The following DPP9 variants were observed in gnomAD, a reference collection of about 807,000 sequenced individuals.
The protein encoded by DPP9 is dipeptidyl peptidase 9, also known as dipeptidyl peptidase IV-related protein-2.
DPP9 carries 50 observed loss-of-function variants against 110.7 expected under a neutral mutation model. The observed-to-expected ratio is 0.45, with a 90% CI of 0.36 to 0.57. The LOEUF is 0.57. DPP9 is among the 20% of genes least tolerant of loss of function. The probability of loss-of-function intolerance (pLI) is 0.00; values close to 1 mark genes in which losing one functional copy is unlikely to be tolerated. For missense variants in DPP9, 1,022 were observed against 1,217.9 expected (o/e 0.84, Z 2.39); for synonymous variants, 561 against 514.4 (o/e 1.09, Z -1.23).
In DPP9 at chr19:4,702,629, C is replaced by A; in HGVS notation, c.857G>T (p.Trp286Leu). Residue 286 changes from tryptophan to leucine, a missense_variant, in exon 8 of 22, where the codon TGG (tryptophan) becomes TTG (leucine). This residue lies in a region of DPP9 where 810 missense variants were observed against 920.6 expected (regional missense o/e 0.88). Coordinates refer to ENST00000262960, the MANE Select transcript of DPP9 (RefSeq NM_139159.5). ...TTCCCAGGAGGCTGTGGGGCACCAC[C>A]AGTACCCAGTGAAGCGGTCGAACTC... ...QEEFDRFTGY[W>L]WCPTASWEGS... 6.2e-7 allele frequency: 1 copy of A among 1,602,780 alleles called. No individual in the cohort carries two copies. The highest frequency in any genetic ancestry group is 1.1e-5 in the South Asian group (1 of 88,944).
chr19:4,685,409 C>A lies in DPP9; in HGVS notation c.2031+217G>T, dbSNP rs1194623258. 3.0e-6 allele frequency: 2 copies of A among 675,790 alleles called. No individual in the cohort carries two copies. The highest frequency in any genetic ancestry group is 2.8e-5 in the East Asian group (1 of 35,358). 41.9% of individuals were successfully genotyped at this position (675,790 alleles called of 1,614,324 possible). ...GGCGGAGGGGGAAGGGGAGGCCATC[C>A]AGGAAGGGCGGGGAGCGTGCAAACG... On this transcript the variant is annotated intron_variant, in intron 17 of 21. Coordinates refer to ENST00000262960, the MANE Select transcript of DPP9 (RefSeq NM_139159.5). This position sits in a 1 kb window ranked among gnomAD's most constrained non-coding sequence, Gnocchi z 5.8.
rs2091588600 is a variant in DPP9, at chr19:4,694,262, CT to C, written c.1516+398del. 3.0e-6 allele frequency: 1 copy of C among 333,470 alleles called. No homozygotes were observed. The highest frequency in any genetic ancestry group is 2.1e-5 in the African/African-American group (1 of 47,342). 20.7% of individuals were successfully genotyped at this position (333,470 alleles called of 1,614,324 possible). On this transcript the variant is annotated intron_variant, in intron 13 of 21. Transcript: ENST00000262960. This position sits in a 1 kb window ranked among gnomAD's most constrained non-coding sequence, Gnocchi z 4.0. ...TCTTGGCCTTGCACAACAGTTTCTG[CT>C]GGGACTACCCAGTTCTGCTGCTGCA...
At chr19:4,705,370 G>A (rs926026145) in intron 5 of DPP9, among the ~76,000 whole-genome samples, 8 of 152,132 alleles carry the variant, frequency 5.3e-5, no homozygotes, top group Admixed American at 2.0e-4. Context: ...ACTACAAGGC[G>A]AGTGCCACCA....
chr19:4,718,802 G>A lies in DPP9; in HGVS notation c.56+1049C>T, dbSNP rs770217388. 2.0e-5 allele frequency among the ~76,000 whole-genome samples: 3 copies of A among 152,140 alleles called. No homozygotes were observed. Among genetic ancestry groups the A allele is most frequent in the Non-Finnish European group, 2.9e-5 (2 of 68,024 alleles). On this transcript the variant is annotated intron_variant, in intron 3 of 21. Transcript: ENST00000262960. The surrounding 1 kb of genome is among the most constrained non-coding windows in gnomAD (Gnocchi z 4.3). ...CCTTCACACCGTCCCCGTCTTCCCC[G>A]GTCCATTCTTCAATTCCCTTCCCAG...
At chr19:4,721,233 C>A (rs932683989) in intron 2 of DPP9, among the ~76,000 whole-genome samples, 1 of 152,236 alleles carries the variant, frequency 6.6e-6, no homozygotes, top group Admixed American at 6.5e-5. Context: ...AGCTGAGAAA[C>A]CCTGCTGTGG....
At position 4,710,146 on chromosome 19, in the gene DPP9, G is replaced by A. The variant is rs1343881593; in HGVS notation, c.313+3935C>T. 1.3e-5 allele frequency among the ~76,000 whole-genome samples: 2 copies of A among 152,162 alleles called. No homozygotes were observed. The highest frequency in any genetic ancestry group is 1.3e-4 in the Admixed American group (2 of 15,274). ...CTGCAAACACACCTGATGCCAACCT[G>A]TCACCCACCCATGCCCCGGTGACCC... On this transcript the variant is annotated intron_variant, in intron 4 of 21. Coordinates refer to ENST00000262960, the MANE Select transcript of DPP9 (RefSeq NM_139159.5). The surrounding 1 kb of genome is among the most constrained non-coding windows in gnomAD (Gnocchi z 5.6).
chr19:4,709,136 T>G (rs1467211698), intron 4 of DPP9, among the ~76,000 whole-genome samples: 1 of 152,068 alleles, frequency 6.6e-6, no homozygotes, highest in African/African-American at 2.4e-5. Flanking sequence ...GCCAGACTGG[T>G]CTTGAAATTC....
Position 4,714,337 on chromosome 19 carries a change from G to A in DPP9, c.57C>T (p.Ser19=), listed in dbSNP as rs371801514. 379 of 1,492,732 alleles carry A rather than the reference G, an allele frequency of 2.5e-4. 1 individual carries two copies. In the African/African-American group the frequency reaches 4.4e-3, roughly 18 times the overall value. 92.5% of individuals were successfully genotyped at this position (1,492,732 alleles called of 1,614,324 possible). Residue 19 remains serine, a splice_region_variant and synonymous_variant, in exon 4 of 22, where the codon AGC becomes AGT. Transcript: ENST00000262960. ...CAGCCCCCTCGGAATTCAGCGAGAA[G>A]CTGCGGGGAGGAAGCAAAGACTATG... ...LDKENTGSWR[S]FSLNSEGAER...
chr19:4,685,555 C>T lies in DPP9; in HGVS notation c.2031+71G>A. 3 of 1,470,222 alleles carry T rather than the reference C, an allele frequency of 2.0e-6. No individual in the cohort carries two copies. The highest frequency in any genetic ancestry group is 9.3e-7 in the Non-Finnish European group (1 of 1,079,008). The allele number at this position is 1,470,222 out of a possible 1,614,324, so 91.1% of individuals were successfully genotyped here. On this transcript the variant is annotated intron_variant, in intron 17 of 21. Coordinates refer to ENST00000262960, the MANE Select transcript of DPP9 (RefSeq NM_139159.5). This position sits in a 1 kb window ranked among gnomAD's most constrained non-coding sequence, Gnocchi z 5.8. ...CTCTGGTTGACTGTTCTACAGCTGG[C>T]ACTTGAGTGGGGATGGGGAGTCCTC...
At chr19:4,683,844 AGTGGCTCTGGGAGCCAC>A (rs1226057967) in intron 18 of DPP9, 1 of 1,529,936 alleles carries the variant, frequency 6.5e-7, no homozygotes, top group African/African-American at 1.4e-5. Flanking sequence ...CTCCCAGGTG[AGTGGCTCTGGGAGCCAC>A]GTCCCCTCTG....
At chr19:4,709,993 C>T (rs368425368) in intron 4 of DPP9, among the ~76,000 whole-genome samples, 14 of 152,324 alleles carry the variant, frequency 9.2e-5, no homozygotes, top group African/African-American at 2.4e-4. Flanking sequence ...GCACATTCCT[C>T]GGGCGAGCTG....
In DPP9 at chr19:4,689,340, C is replaced by T. The variant is rs557939498; in HGVS notation, c.1749+230G>A. 5.9e-5 allele frequency among the ~76,000 whole-genome samples: 9 copies of T among 152,350 alleles called. No homozygotes were observed. In the South Asian group the frequency reaches 6.2e-4, roughly 11 times the overall value. ...AGCGGCGGAGCCCCAGCTCAGCGGA[C>T]GGGCACTGGGGGGCTCCACCACTTA... On this transcript the variant is annotated intron_variant, in intron 15 of 21. Transcript: ENST00000262960. This position sits in a 1 kb window ranked among gnomAD's most constrained non-coding sequence, Gnocchi z 7.0.
intron 4 of DPP9, among the ~76,000 whole-genome samples, chr19:4,712,421 G>A (rs568860115): frequency 1.2e-3 from 176 of 152,090 alleles, no homozygotes; most frequent in Non-Finnish European, 2.0e-3. Context: ...ATGGTGGCAC[G>A]TGCCTATAGT....
rs925109800 is a variant in DPP9, at chr19:4,684,985, C to T, written c.2032-176G>A. ...TGGGAGTGGCAAGGCGGGAGGGGCC[C>T]ATACTCGGGACCCTGCTAGGGAGGG... On this transcript the variant is annotated intron_variant, in intron 17 of 21. Coordinates refer to ENST00000262960, the MANE Select transcript of DPP9 (RefSeq NM_139159.5). The surrounding 1 kb of genome is among the most constrained non-coding windows in gnomAD (Gnocchi z 4.8). 2 of 794,138 alleles carry T rather than the reference C, an allele frequency of 2.5e-6. No homozygotes were observed. Among genetic ancestry groups the T allele is most frequent in the Non-Finnish European group, 4.3e-6 (2 of 470,534 alleles). The allele number at this position is 794,138 out of a possible 1,614,324, so 49.2% of individuals were successfully genotyped here. A position where few individuals can be genotyped will look rare whatever the true frequency, so the allele number is the denominator to read the frequency against.
chr19:4,695,100 A>G lies in DPP9; in HGVS notation c.1354-277T>C. The G allele has an allele frequency of 1.7e-6, 1 of 589,536 alleles. No homozygotes were observed. Among genetic ancestry groups the G allele is most frequent in the Non-Finnish European group, 3.0e-6 (1 of 333,840 alleles). 36.5% of individuals were successfully genotyped at this position (589,536 alleles called of 1,614,324 possible). A position where few individuals can be genotyped will look rare whatever the true frequency, so the allele number is the denominator to read the frequency against. Reference sequence around the variant, plus strand: ...CAGGAGGTCAAGGCTGCAGTGAGCTATGACCACACCACTGCACTCTAGTCT... The same window carrying G: ...CAGGAGGTCAAGGCTGCAGTGAGCTGTGACCACACCACTGCACTCTAGTCT... On this transcript the variant is annotated intron_variant, in intron 12 of 21. Coordinates refer to ENST00000262960, the MANE Select transcript of DPP9 (RefSeq NM_139159.5). The surrounding 1 kb of genome is among the most constrained non-coding windows in gnomAD (Gnocchi z 4.7).
At chr19:4,715,811 A>G (rs1409586551) in intron 3 of DPP9, 1 of 151,814 alleles carries the variant, frequency 6.6e-6, no homozygotes, top group Non-Finnish European at 1.5e-5. Flanking sequence ...CACTCAGGAC[A>G]CTCTGGGTCC....
At chr19:4,702,486 T>C (rs2092324838) in intron 8 of DPP9, 117 bp downstream of exon 8, 2 of 793,234 alleles carry the variant, frequency 2.5e-6, no homozygotes, top group East Asian at 2.7e-5. Context: ...GGTGTTGGTA[T>C]TGACAGACTG....
intron 2 of DPP9, 99 bp from the exon 3 acceptor site, chr19:4,720,040 G>GC (rs3833277): frequency 0.65 from 675,167 of 1,043,870 alleles, 222,185 homozygotes; most frequent in Middle Eastern, 0.74. Context: ...GCTCCAGGCA[G>GC]CCCCCCAAGC....
In DPP9 at chr19:4,689,758, A is replaced by C; in HGVS notation, c.1597-36T>G. On this transcript the variant is annotated intron_variant, in intron 14 of 21. Coordinates refer to ENST00000262960, the MANE Select transcript of DPP9 (RefSeq NM_139159.5). The surrounding 1 kb of genome is among the most constrained non-coding windows in gnomAD (Gnocchi z 7.0). ...ACAGGGGATCCTCGTGATGCGTCCC[A>C]GATGCCCCTGGGCCCACACCCCTCT... is the stretch of plus-strand genomic sequence containing the variant. The C allele has an allele frequency of 6.5e-7, 1 of 1,528,380 alleles. No individual in the cohort carries two copies. The allele number at this position is 1,528,380 out of a possible 1,614,324, so 94.7% of individuals were successfully genotyped here. A position where few individuals can be genotyped will look rare whatever the true frequency, so the allele number is the denominator to read the frequency against.
Sources: gnomAD v4.1 joint callset for allele counts (sites outside exome capture counted in the v4.1 genomes callset) on GRCh38, gnomAD v4.1.1 for gene constraint, gnomAD v4.1.1 regional missense constraint, Gnocchi (gnomAD v3.1) non-coding constraint, MANE v1.5 for transcripts, NCBI Gene and HGNC (gene_info 2026-07-23, HGNC 2026-07-21) for gene names.